Variants in BABAM2 observed in about 807,000 individuals in gnomAD.
BABAM2 encodes the protein BRISC and BRCA1 A complex member 2.
In BABAM2, 31 loss-of-function variants were observed where a neutral mutation model predicts 54.7. The ratio of observed to expected loss-of-function variants is 0.57; its 90% CI spans 0.43 to 0.77. The LOEUF (loss-of-function observed/expected upper bound fraction) is 0.77, where lower values mean the gene tolerates loss of function less well. Among genes scored for constraint, BABAM2 ranks in the 30% least tolerant of loss-of-function variants. The probability of loss-of-function intolerance (pLI) is 0.00; values close to 1 mark genes in which losing one functional copy is unlikely to be tolerated. For synonymous variants in BABAM2, 167 were observed against 162.9 expected, an observed-to-expected ratio of 1.03 and a Z score of -0.19; for missense variants, 364 against 455.8, an observed-to-expected ratio of 0.80 and a Z score of 1.83.
chr2:28,012,634 T>C (rs1431717272), intron 4 of BABAM2, among the ~76,000 whole-genome samples: 1 of 152,198 alleles, frequency 6.6e-6, no homozygotes, highest in Admixed American at 6.5e-5. Context: ...TCTAGTACTC[T>C]TCACGGTGCT....
chr2:28,161,785 C>G (rs1025309526), intron 7 of BABAM2, among the ~76,000 whole-genome samples: 1 of 152,016 alleles, frequency 6.6e-6, no homozygotes, highest in Non-Finnish European at 1.5e-5. Flanking sequence ...GCCAAGCTGG[C>G]CCAGCTGCAG....
At chr2:28,040,130 T>A (rs867234762) in intron 5 of BABAM2, among the ~76,000 whole-genome samples, 1 of 152,102 alleles carries the variant, frequency 6.6e-6, no homozygotes, top group African/African-American at 2.4e-5. Context: ...AAAGTCATTA[T>A]CTGAGGTAGA....
intron 7 of BABAM2, among the ~76,000 whole-genome samples, chr2:28,131,511 C>T (rs1670074602): frequency 6.6e-6 from 1 of 152,176 alleles, no homozygotes; most frequent in South Asian, 2.1e-4. Context: ...GTTCCTGCCA[C>T]TCACCAGCTG....
chr2:27,975,240 T>G (rs1671506654), intron 3 of BABAM2, among the ~76,000 whole-genome samples: 1 of 152,032 alleles, frequency 6.6e-6, no homozygotes, highest in Non-Finnish European at 1.5e-5. Context: ...GGGTAGATAT[T>G]GACAAGATGA....
At chr2:28,004,019 G>A (rs1158707683) in intron 4 of BABAM2, among the ~76,000 whole-genome samples, 1 of 151,624 alleles carries the variant, frequency 6.6e-6, no homozygotes, top group Non-Finnish European at 1.5e-5. Context: ...TTAGGATTGG[G>A]ATTGCTCTGC....
intron 6 of BABAM2, among the ~76,000 whole-genome samples, chr2:28,124,208 G>T (rs1033198623): frequency 1.3e-5 from 2 of 152,074 alleles, no homozygotes; most frequent in South Asian, 2.1e-4. Flanking sequence ...CTCACATAGG[G>T]CTACTTCTAC....
rs779962323 is a variant in BABAM2 at position 27,991,497 on chromosome 2, C to A, written c.300+3410C>A. ...TGCATCTATCACCACAAATTTAGAA[C>A]CTTGTCATAATCCCAAAAAGAAACC... On this transcript the variant is annotated intron_variant, in intron 4 of 11. Coordinates refer to ENST00000379624, the MANE Select transcript of BABAM2 (RefSeq NM_199191.3). Among the ~76,000 whole-genome samples the A allele has an allele frequency of 4.5e-4, 69 of 152,294 alleles. 1 individual carries two copies. Among genetic ancestry groups the A allele is most frequent in the Non-Finnish European group, 1.0e-3 (68 of 68,014 alleles).
At chr2:27,981,669 TA>T (rs2148472960) in intron 3 of BABAM2, among the ~76,000 whole-genome samples, 1 of 152,308 alleles carries the variant, frequency 6.6e-6, no homozygotes, top group East Asian at 1.9e-4. Flanking sequence ...TTTCAAGGTT[TA>T]TCCACATTGG....
In BABAM2 at chr2:27,986,480, A is replaced by G. The variant is rs527609636; in HGVS notation, c.206-1513A>G. On this transcript the variant is annotated intron_variant, in intron 3 of 11. Coordinates refer to ENST00000379624, the MANE Select transcript of BABAM2 (RefSeq NM_199191.3). The stretch of plus-strand genomic sequence containing the variant: ...TGGAAGGGGCTGTTAACAGTAGGAA[A>G]AATCCATATGAGTGACATTTTGGAG... Among the ~76,000 whole-genome samples, 5 of 152,266 alleles carry G rather than the reference A, an allele frequency of 3.3e-5. No individual in the cohort carries two copies. In the South Asian group the frequency reaches 1.0e-3, roughly 32 times the overall value.
chr2:28,097,371 C>G (rs1224312916), intron 6 of BABAM2, among the ~76,000 whole-genome samples: 1 of 152,080 alleles, frequency 6.6e-6, no homozygotes, highest in Non-Finnish European at 1.5e-5. Flanking sequence ...GTACTCTAAC[C>G]CTGGCCTAAT....
intron 2 of BABAM2, among the ~76,000 whole-genome samples, chr2:27,900,434 A>G (rs1185669593): frequency 2.0e-5 from 3 of 151,128 alleles, no homozygotes; most frequent in South Asian, 4.2e-4. Flanking sequence ...TTTCTACCTT[A>G]CTTAATAAGA....
intron 6 of BABAM2, among the ~76,000 whole-genome samples, chr2:28,072,165 T>G (rs1181421979): frequency 6.6e-6 from 1 of 151,950 alleles, no homozygotes; most frequent in Non-Finnish European, 1.5e-5. Flanking sequence ...GGATTACAGA[T>G]GTGAGCCTGG....
intron 11 of BABAM2, among the ~76,000 whole-genome samples, chr2:28,312,529 A>G (rs1558522310): frequency 6.6e-6 from 1 of 152,216 alleles, no homozygotes. Flanking sequence ...TTAACTACTC[A>G]GAAGACTGAG....
At chr2:28,162,985 T>G (rs1673248220) in intron 7 of BABAM2, among the ~76,000 whole-genome samples, 1 of 152,182 alleles carries the variant, frequency 6.6e-6, no homozygotes, top group Non-Finnish European at 1.5e-5. Flanking sequence ...AATCCACAAG[T>G]GTAAGAATAA....
chr2:28,260,309 T>C (rs1291799525), intron 10 of BABAM2, among the ~76,000 whole-genome samples: 5 of 147,698 alleles, frequency 3.4e-5, no homozygotes, highest in Non-Finnish European at 7.5e-5. Flanking sequence ...CTTTTTTTTT[T>C]TTTTTTTTTT....
chr2:27,909,286 C>T (rs1666409105), intron 2 of BABAM2, among the ~76,000 whole-genome samples: 1 of 152,118 alleles, frequency 6.6e-6, no homozygotes, highest in Non-Finnish European at 1.5e-5. Flanking sequence ...CTCAAGCAGT[C>T]CTCCCACTTT....
chr2:28,036,103 T>C lies in BABAM2; in HGVS notation c.496-9622T>C, dbSNP rs1573445566. Among the ~76,000 whole-genome samples the C allele has an allele frequency of 2.6e-5, 4 of 152,268 alleles. No homozygotes were observed. The South Asian group carries it at 8.3e-4, about 32-fold the overall frequency. The stretch of plus-strand genomic sequence containing the variant: ...CATTTGTTCTGAACTGATGGGTGCA[T>C]TGCCCCATCTCTTTGGTGGCCATTT... On this transcript the variant is annotated intron_variant, in intron 5 of 11. Coordinates refer to ENST00000379624, the MANE Select transcript of BABAM2 (RefSeq NM_199191.3).
At chr2:28,255,624 G>T (rs1037270534) in intron 10 of BABAM2, among the ~76,000 whole-genome samples, 1 of 152,168 alleles carries the variant, frequency 6.6e-6, no homozygotes, top group South Asian at 2.1e-4. Context: ...GCACTAGAAT[G>T]AACAGTTAGA....
chr2:28,294,332 A>G (rs1687515470), intron 10 of BABAM2, among the ~76,000 whole-genome samples: 1 of 151,670 alleles, frequency 6.6e-6, no homozygotes, highest in Admixed American at 6.6e-5. Flanking sequence ...GTGAGCCGAG[A>G]TCGCACCACT....
Sources: allele counts gnomAD v4.1 joint callset (sites outside exome capture counted in the v4.1 genomes callset), GRCh38; gene constraint gnomAD v4.1.1; transcripts MANE v1.5; gene names NCBI Gene and HGNC (gene_info 2026-07-23, HGNC 2026-07-21).